Variants in LINGO2 observed in about 807,000 individuals in gnomAD.
LINGO2 encodes leucine rich repeat and Ig domain containing 2.
In LINGO2, 14 loss-of-function variants were observed where a neutral mutation model predicts 30.6. The observed-to-expected ratio is 0.46, with a 90% CI of 0.30 to 0.72. The LOEUF is 0.72. Among genes scored for constraint, LINGO2 ranks in the 30% least tolerant of loss-of-function variants. The probability of loss-of-function intolerance (pLI) is 0.07; values close to 1 mark genes in which losing one functional copy is unlikely to be tolerated. For missense variants in LINGO2, 729 were observed against 751.7 expected, an observed-to-expected ratio of 0.97 and a Z score of 0.35; for synonymous variants, 317 against 288.5, an observed-to-expected ratio of 1.10 and a Z score of -1.00.
intron 4 of LINGO2, among the ~76,000 whole-genome samples, chr9:28,139,442 T>C (rs1051189361): frequency 1.3e-5 from 2 of 152,260 alleles, no homozygotes; most frequent in African/African-American, 4.8e-5. Context: ...CATCCACTTA[T>C]GACAACAGCC....
the LINGO2 span, among the ~76,000 whole-genome samples, chr9:28,980,309 G>A: frequency 6.6e-6 from 1 of 151,880 alleles, no homozygotes; most frequent in Admixed American, 6.6e-5. Context: ...CCATCTTTAT[G>A]TCTCTATAAT....
At chr9:28,959,612 T>TCTCTCTCA in the LINGO2 span, among the ~76,000 whole-genome samples, 1,203 of 132,096 alleles carry the variant, frequency 9.1e-3, 9 homozygotes, top group African/African-American at 0.02. Context: ...TCTCTCTCCC[T>TCTCTCTCA]CACACACACA....
chr9:28,644,048 G>A (rs1445911001), intron 1 of LINGO2, among the ~76,000 whole-genome samples: 1 of 152,040 alleles, frequency 6.6e-6, no homozygotes, highest in African/African-American at 2.4e-5. Flanking sequence ...TGCTGATGAG[G>A]ATGTGGAGAA....
intron 2 of LINGO2, among the ~76,000 whole-genome samples, chr9:28,429,139 G>T (rs1823539706): frequency 6.6e-6 from 1 of 152,130 alleles, no homozygotes; most frequent in Non-Finnish European, 1.5e-5. Flanking sequence ...TTTAATGTTT[G>T]CTTAGCACAT....
At chr9:28,913,514 G>T in the LINGO2 span, among the ~76,000 whole-genome samples, 1 of 151,914 alleles carries the variant, frequency 6.6e-6, no homozygotes, top group African/African-American at 2.4e-5. Flanking sequence ...TTTGTTCAAG[G>T]ATTCAAACCC....
chr9:29,151,058 G>C, the LINGO2 span, among the ~76,000 whole-genome samples: 2 of 151,888 alleles, frequency 1.3e-5, no homozygotes, highest in African/African-American at 4.8e-5. Flanking sequence ...GCTTGCAGCA[G>C]ACCTCTCAGC....
At chr9:28,386,967 A>T (rs192726982) in intron 2 of LINGO2, among the ~76,000 whole-genome samples, 30 of 152,338 alleles carry the variant, frequency 2.0e-4, no homozygotes, top group Non-Finnish European at 3.7e-4. Context: ...AAATAATTAC[A>T]ATGCAATGAA....
intron 2 of LINGO2, among the ~76,000 whole-genome samples, chr9:28,461,242 C>T (rs939189174): frequency 2.0e-5 from 3 of 151,964 alleles, no homozygotes; most frequent in Non-Finnish European, 2.9e-5. Flanking sequence ...TATACAATAT[C>T]GAGATAATAA....
At chr9:28,285,360 T>A (rs888199341) in intron 4 of LINGO2, among the ~76,000 whole-genome samples, 1 of 151,414 alleles carries the variant, frequency 6.6e-6, no homozygotes, top group Admixed American at 6.6e-5. Context: ...TATTACTGAT[T>A]GGAAATCAAA....
chr9:28,277,259 C>T (rs1201939694), intron 4 of LINGO2, among the ~76,000 whole-genome samples: 2 of 152,046 alleles, frequency 1.3e-5, no homozygotes, highest in African/African-American at 4.8e-5. Context: ...GTGATCGATG[C>T]TTTATTATGT....
At chr9:28,732,715 C>T in the LINGO2 span, among the ~76,000 whole-genome samples, 1 of 152,166 alleles carries the variant, frequency 6.6e-6, no homozygotes, top group Non-Finnish European at 1.5e-5. Context: ...GTTTAATGTG[C>T]AATGCCCAGT....
intron 1 of LINGO2, among the ~76,000 whole-genome samples, chr9:28,653,280 T>G (rs1828190778): frequency 6.6e-6 from 1 of 152,128 alleles, no homozygotes; most frequent in Middle Eastern, 3.2e-3. Context: ...ATTTTGTGAC[T>G]GTACCACCTG....
chr9:28,991,075 G>A, the LINGO2 span, among the ~76,000 whole-genome samples: 1 of 152,158 alleles, frequency 6.6e-6, no homozygotes, highest in South Asian at 2.1e-4. Flanking sequence ...CCGAGCTACA[G>A]GAGGAAATTC....
chr9:28,051,902 G>C (rs971904096), intron 4 of LINGO2, among the ~76,000 whole-genome samples: 5 of 151,976 alleles, frequency 3.3e-5, no homozygotes, highest in African/African-American at 1.2e-4. Context: ...AGTAGTGTTA[G>C]AGTTTCTTAT....
chr9:28,864,273 G>C, the LINGO2 span, among the ~76,000 whole-genome samples: 2 of 152,016 alleles, frequency 1.3e-5, no homozygotes, highest in African/African-American at 4.8e-5. Flanking sequence ...AGTTTAACCT[G>C]AGTGTTTTTT....
chr9:28,680,106 A>G, the LINGO2 span, among the ~76,000 whole-genome samples: 1 of 151,996 alleles, frequency 6.6e-6, no homozygotes, highest in African/African-American at 2.4e-5. Context: ...ACTGAAATCT[A>G]GTGTACCTTG....
chr9:29,177,866 TGAC>T, the LINGO2 span, among the ~76,000 whole-genome samples: 1 of 151,926 alleles, frequency 6.6e-6, no homozygotes. Flanking sequence ...ACATTAAAAT[TGAC>T]CCCTTCTCTC....
the LINGO2 span, among the ~76,000 whole-genome samples, chr9:29,021,034 T>C: frequency 3.9e-5 from 6 of 152,174 alleles, no homozygotes; most frequent in African/African-American, 1.4e-4. Flanking sequence ...TAGAGAAAGA[T>C]TACCTTAGCT....
At chr9:28,070,709 GTTTTGTTCT>G (rs1825447870) in intron 4 of LINGO2, among the ~76,000 whole-genome samples, 1 of 148,872 alleles carries the variant, frequency 6.7e-6, no homozygotes, top group African/African-American at 2.6e-5. Flanking sequence ...CTATTATTTT[GTTTTGTTCT>G]GTTTGTTTTT....
Sources: gnomAD v4.1 joint callset for allele counts (sites outside exome capture counted in the v4.1 genomes callset) on GRCh38, gnomAD v4.1.1 for gene constraint, MANE v1.5 for transcripts, NCBI Gene and HGNC (gene_info 2026-07-23, HGNC 2026-07-21) for gene names.